The following ZC4H2 variants were observed in gnomAD, a reference collection of about 807,000 sequenced individuals.
ZC4H2 encodes zinc finger C4H2-type containing, also known as zinc finger C4H2 domain-containing protein.
For missense variants in ZC4H2, 137 were observed against 173.9 expected (o/e 0.79, Z 1.19); for synonymous variants, 84 against 66.3 (o/e 1.27, Z -1.30).
At chrX:64,956,964 T>C (rs1324622070) in intron 1 of ZC4H2, among the ~76,000 whole-genome samples, 1 of 112,253 alleles carries the variant, frequency 8.9e-6, no homozygotes, top group Admixed American at 9.4e-5. Flanking sequence ...ATCTCAAAAT[T>C]GAGAAAGTAA....
chrX:64,927,127 TTTTC>T (rs1478900300), intron 1 of ZC4H2, among the ~76,000 whole-genome samples: 3 of 111,222 alleles, frequency 2.7e-5, no homozygotes, highest in East Asian at 2.8e-4. Flanking sequence ...TTTATCAAAT[TTTTC>T]TTTCTTTTTT....
intron 1 of ZC4H2, among the ~76,000 whole-genome samples, chrX:65,025,652 A>G (rs1932873048): frequency 9.0e-6 from 1 of 111,333 alleles, no homozygotes; most frequent in Non-Finnish European, 1.9e-5. Context: ...TAGAGTCCAT[A>G]AGGAGAATTT....
In ZC4H2 at chrX:64,916,616, T is replaced by A. The variant is rs1267648308; in HGVS notation, c.*1167A>T. On this transcript the variant is annotated 3_prime_UTR_variant, in exon 5 of 5. Coordinates refer to ENST00000374839, the MANE Select transcript of ZC4H2 (RefSeq NM_018684.4). ...ACCTGGGGCTAAAATTTTTTGTCAG[T>A]CAGCCCCCATCCCCATCCCTTATCT... 9.0e-6 allele frequency: 1 copy of A among 111,718 alleles called. No homozygotes were observed. The highest frequency in any genetic ancestry group is 3.3e-5 in the African/African-American group (1 of 30,735). The allele number at this position is 111,718 out of a possible 1,213,427, so 9.2% of individuals were successfully genotyped here.
chrX:64,957,435 T>A (rs1477104716), intron 1 of ZC4H2, among the ~76,000 whole-genome samples: 1 of 112,602 alleles, frequency 8.9e-6, no homozygotes, highest in Non-Finnish European at 1.9e-5. Context: ...GCAATAATAC[T>A]TAGCTTGACA....
At chrX:64,991,174 G>A (rs772282610) in intron 1 of ZC4H2, among the ~76,000 whole-genome samples, 9 of 111,783 alleles carry the variant, frequency 8.1e-5, no homozygotes, top group Non-Finnish European at 1.3e-4. Context: ...ATTCAGTGTA[G>A]CTGAAAGATC....
Position 64,928,746 on chromosome X carries a change from CTTCTTCTTCTT to C in ZC4H2, c.54-6769_54-6759del, listed in dbSNP as rs201597239. Among the ~76,000 whole-genome samples, 367 of 99,232 alleles carry C rather than the reference CTTCTTCTTCTT, an allele frequency of 3.7e-3. 2 individuals carry two copies. The highest frequency in any genetic ancestry group is 8.5e-3 in the African/African-American group (228 of 26,816). The allele number at this position is 99,232 out of a possible 115,157, so 86.2% of individuals were successfully genotyped here. A position where few individuals can be genotyped will look rare whatever the true frequency, so the allele number is the denominator to read the frequency against. On this transcript the variant is annotated intron_variant, in intron 1 of 4. Transcript: ENST00000374839. ...TCCTCCTCTTCTTCTTCTCCTTCTC[CTTCTTCTTCTT>C]TTCTTCTTCTTTTCTTCTTCTCTTC... is the stretch of plus-strand genomic sequence containing the variant.
At chrX:64,964,061 A>C (rs1043812812) in intron 1 of ZC4H2, among the ~76,000 whole-genome samples, 3 of 110,941 alleles carry the variant, frequency 2.7e-5, no homozygotes, top group Non-Finnish European at 5.7e-5. Flanking sequence ...GCTGCTATTC[A>C]ATATGTATAA....
chrX:64,942,752 C>T (rs1930349060), intron 1 of ZC4H2, among the ~76,000 whole-genome samples: 1 of 111,659 alleles, frequency 9.0e-6, no homozygotes, highest in Non-Finnish European at 1.9e-5. Flanking sequence ...TGCATTGGTT[C>T]CAAGTTTTTG....
At chrX:64,972,379 T>C (rs1220574820) in intron 1 of ZC4H2, among the ~76,000 whole-genome samples, 4 of 111,646 alleles carry the variant, frequency 3.6e-5, no homozygotes, top group Non-Finnish European at 7.5e-5. Context: ...TTGATGTGTG[T>C]AAGGCTCTTA....
At chrX:65,007,132 C>CA (rs200994633) in intron 1 of ZC4H2, among the ~76,000 whole-genome samples, 1,217 of 90,221 alleles carry the variant, frequency 0.013, 14 homozygotes, top group African/African-American at 0.043. Flanking sequence ...ACTTGTTGTT[C>CA]AAAAAAAAAA....
chrX:64,975,135 C>T (rs1347234393), intron 1 of ZC4H2, among the ~76,000 whole-genome samples: 1 of 110,603 alleles, frequency 9.0e-6, no homozygotes, highest in African/African-American at 3.3e-5. Context: ...ATTCTCTGGG[C>T]CTCTATTTCC....
intron 1 of ZC4H2, among the ~76,000 whole-genome samples, chrX:64,962,172 T>A (rs1031667958): frequency 9.0e-6 from 1 of 111,310 alleles, no homozygotes; most frequent in African/African-American, 3.3e-5. Flanking sequence ...AACAAAAGAC[T>A]AGCAAACTGA....
chrX:64,969,574 T>C (rs1931704857), intron 1 of ZC4H2, among the ~76,000 whole-genome samples: 1 of 112,194 alleles, frequency 8.9e-6, no homozygotes, highest in East Asian at 2.8e-4. Flanking sequence ...GTCTTACTAA[T>C]GCAGTTGTTC....
intron 1 of ZC4H2, among the ~76,000 whole-genome samples, chrX:64,954,136 G>C (rs1354497453): frequency 1.9e-5 from 2 of 103,561 alleles, no homozygotes; most frequent in Non-Finnish European, 3.9e-5. Flanking sequence ...CATGGACGCA[G>C]GAAGGGGAAC....
intron 1 of ZC4H2, among the ~76,000 whole-genome samples, chrX:64,973,824 T>C (rs892043355): frequency 4.5e-5 from 5 of 111,835 alleles, no homozygotes; most frequent in African/African-American, 1.6e-4. Context: ...CGTCAGTTTC[T>C]GATGATAAAT....
At chrX:65,002,990 C>T (rs1319811487) in intron 1 of ZC4H2, among the ~76,000 whole-genome samples, 4 of 109,530 alleles carry the variant, frequency 3.7e-5, no homozygotes, top group African/African-American at 1.3e-4. Flanking sequence ...GCTGACCTTC[C>T]CTCCACTATT....
Position 64,917,678 on chromosome X carries a change from G to C in ZC4H2, c.*105C>G. 9.2e-7 allele frequency: 1 copy of C among 1,086,497 alleles called. No individual in the cohort carries two copies. The highest frequency in any genetic ancestry group is 1.2e-6 in the Non-Finnish European group (1 of 811,931). 89.5% of individuals were successfully genotyped at this position (1,086,497 alleles called of 1,213,427 possible). On this transcript the variant is annotated 3_prime_UTR_variant, in exon 5 of 5. Transcript: ENST00000374839. ...GTTGTGCTTCCATCACATTAAATAG[G>C]AGACTTCGTGGGGTTGGGCAAGGGT...
intron 1 of ZC4H2, among the ~76,000 whole-genome samples, chrX:65,028,574 C>T (rs1038193287): frequency 3.7e-5 from 4 of 109,498 alleles, no homozygotes; most frequent in African/African-American, 1.0e-4. Context: ...CTCTGTAGCC[C>T]GGGCTGGAGT....
chrX:64,939,217 A>G (rs1057237357), intron 1 of ZC4H2, among the ~76,000 whole-genome samples: 2 of 111,847 alleles, frequency 1.8e-5, no homozygotes, highest in Non-Finnish European at 3.8e-5. Context: ...AATACCTAGG[A>G]ATACAACTTT....
Sources: gnomAD v4.1 joint callset for allele counts (sites outside exome capture counted in the v4.1 genomes callset) on GRCh38, gnomAD v4.1.1 for gene constraint, MANE v1.5 for transcripts, NCBI Gene and HGNC (gene_info 2026-07-23, HGNC 2026-07-21) for gene names.